Variants in ABLIM1 observed in about 807,000 individuals in gnomAD.
ABLIM1 encodes actin-binding LIM protein 1.
Under a neutral mutation model 107.0 loss-of-function variants are expected in ABLIM1, and 40 were observed. The observed-to-expected ratio is 0.37, with a 90% CI of 0.29 to 0.49. The LOEUF (loss-of-function observed/expected upper bound fraction) is 0.49, where lower values mean the gene tolerates loss of function less well. Ranked by LOEUF, ABLIM1 falls within the 20% of genes least tolerant of loss-of-function variation. The pLI is 0.97. For missense variants in ABLIM1, 857 were observed against 1,008.5 expected (o/e 0.85, Z 2.04); for synonymous variants, 357 against 357.3 (o/e 1.00, Z 0.01).
chr10:114,529,097 T>G (rs566078337), intron 6 of ABLIM1, among the ~76,000 whole-genome samples: 2 of 151,436 alleles, frequency 1.3e-5, no homozygotes, highest in Admixed American at 6.6e-5. Flanking sequence ...GCGTCAGAAT[T>G]AGGCTCACTA....
intron 1 of ABLIM1, among the ~76,000 whole-genome samples, chr10:114,759,841 A>G (rs1038340200): frequency 1.3e-5 from 2 of 152,172 alleles, no homozygotes; most frequent in Non-Finnish European, 2.9e-5. Flanking sequence ...TAGCCCCAGT[A>G]TACACCTATT....
At chr10:114,463,340 G>C (rs2064358358) in intron 12 of ABLIM1, among the ~76,000 whole-genome samples, 1 of 152,210 alleles carries the variant, frequency 6.6e-6, no homozygotes, top group African/African-American at 2.4e-5. Flanking sequence ...CTAAGGCTGA[G>C]GCAAAGTAGG....
At chr10:114,683,202 G>A (rs2080820025) in intron 1 of ABLIM1, among the ~76,000 whole-genome samples, 1 of 152,190 alleles carries the variant, frequency 6.6e-6, no homozygotes, top group Admixed American at 6.5e-5. Flanking sequence ...ACAGGGGAGG[G>A]CTGTTCTTGG....
chr10:114,550,394 A>G (rs1238069354), intron 4 of ABLIM1, among the ~76,000 whole-genome samples: 1 of 136,018 alleles, frequency 7.4e-6, no homozygotes, highest in Non-Finnish European at 1.6e-5. Context: ...TTTAAAAAAA[A>G]GACTACTTTT....
At chr10:114,617,256 CTT>C (rs780987027) in intron 1 of ABLIM1, among the ~76,000 whole-genome samples, 5 of 120,468 alleles carry the variant, frequency 4.2e-5, no homozygotes, top group Admixed American at 8.5e-5. Flanking sequence ...TCACTACCTA[CTT>C]TTTTTTTTTT....
intron 5 of ABLIM1, among the ~76,000 whole-genome samples, chr10:114,545,366 G>C (rs1352602044): frequency 6.6e-6 from 1 of 152,184 alleles, no homozygotes; most frequent in Non-Finnish European, 1.5e-5. Flanking sequence ...ATTTTTTACT[G>C]TCTCAGAGCT....
intron 6 of ABLIM1, among the ~76,000 whole-genome samples, chr10:114,543,617 C>T (rs1487843357): frequency 3.9e-5 from 6 of 152,174 alleles, no homozygotes; most frequent in Admixed American, 3.9e-4. Flanking sequence ...GATTTGAGAA[C>T]TCTCATACGT....
At position 114,571,367 on chromosome 10, in the gene ABLIM1, C is replaced by G; in HGVS notation, c.603G>C (p.Gly201=). The G allele has an allele frequency of 1.2e-6, 2 of 1,614,198 alleles. No individual in the cohort carries two copies. Among genetic ancestry groups the G allele is most frequent in the South Asian group, 2.2e-5 (2 of 91,076 alleles). Reference sequence around the variant, plus strand: ...CACAGAGTTGACAAAGGCAGTCTCTCCCATTGAATGTGACTCGGTCTCCGG... The same window carrying G: ...CACAGAGTTGACAAAGGCAGTCTCTGCCATTGAATGTGACTCGGTCTCCGG... ...FPPGDRVTFN[G]RDCLCQLCAQ... is the part of the protein sequence containing the mutation. The change falls in exon 4 of 23, where the codon GGG becomes GGC. Residue 201 remains glycine (G), a synonymous_variant. Coordinates refer to ENST00000533213, the MANE Select transcript of ABLIM1 (RefSeq NM_002313.7).
chr10:114,677,267 G>T (rs937204748), intron 1 of ABLIM1, among the ~76,000 whole-genome samples: 2 of 152,164 alleles, frequency 1.3e-5, no homozygotes, highest in African/African-American at 4.8e-5. Context: ...ATAGTGAAAT[G>T]AATGAAATAA....
chr10:114,446,157 A>C (rs2139398696), intron 15 of ABLIM1, among the ~76,000 whole-genome samples: 1 of 152,342 alleles, frequency 6.6e-6, no homozygotes, highest in Admixed American at 6.5e-5. Flanking sequence ...ATGCGTTTAA[A>C]CCTTGTAGTT....
chr10:114,465,654 CAT>C, intron 12 of ABLIM1, 42 bp downstream of exon 12: 1 of 1,593,112 alleles, frequency 6.3e-7, no homozygotes, highest in Non-Finnish European at 8.6e-7. Flanking sequence ...ATCACAGAAA[CAT>C]AGTTTGTTAT....
At chr10:114,778,595 A>G in the ABLIM1 span, 5 of 150,384 alleles carry the variant, frequency 3.3e-5, no homozygotes, top group African/African-American at 1.3e-4. Flanking sequence ...ACACACACAC[A>G]CACACACACA....
chr10:114,718,470 C>G (rs2081758887), intron 1 of ABLIM1, among the ~76,000 whole-genome samples: 1 of 152,120 alleles, frequency 6.6e-6, no homozygotes, highest in Non-Finnish European at 1.5e-5. Context: ...TTTTCCTTCT[C>G]CAAAAACTAT....
intron 1 of ABLIM1, among the ~76,000 whole-genome samples, chr10:114,669,820 G>A (rs1030347108): frequency 6.6e-6 from 1 of 152,092 alleles, no homozygotes; most frequent in African/African-American, 2.4e-5. Context: ...GGGAGGGAAG[G>A]GGGATCTGGG....
chr10:114,733,480 A>C (rs1295875693), intron 1 of ABLIM1, among the ~76,000 whole-genome samples: 1 of 152,214 alleles, frequency 6.6e-6, no homozygotes, highest in Non-Finnish European at 1.5e-5. Context: ...TAATTTAATC[A>C]GACATGCTAA....
At chr10:114,771,665 T>C (rs2083026506), upstream of ABLIM1, among the ~76,000 whole-genome samples, 1 of 152,162 alleles carries the variant, frequency 6.6e-6, no homozygotes, top group Non-Finnish European at 1.5e-5. Context: ...TCATCTGAAA[T>C]AACTGAGAAT....
At chr10:114,512,901 AAG>A (rs2062130215) in intron 6 of ABLIM1, among the ~76,000 whole-genome samples, 2 of 148,384 alleles carry the variant, frequency 1.3e-5, no homozygotes, top group Admixed American at 6.6e-5. Flanking sequence ...GGAAGGAAGG[AAG>A]GAAGGAAAGA....
In ABLIM1 at chr10:114,444,150, A is replaced by AG. The variant is rs749493361; in HGVS notation, c.1828-17dup. 2.4e-5 allele frequency: 35 copies of AG among 1,458,348 alleles called. No homozygotes were observed. The South Asian group carries it at 3.8e-4, about 16-fold the overall frequency. The allele number at this position is 1,458,348 out of a possible 1,614,324, so 90.3% of individuals were successfully genotyped here. On this transcript the variant is annotated splice_polypyrimidine_tract_variant and intron_variant, in intron 16 of 22. Coordinates refer to ENST00000533213, the MANE Select transcript of ABLIM1 (RefSeq NM_002313.7). Reference sequence around the variant, plus strand: ...CTGAGTTAAGCTATTCACAGAAAAAAGGAAAAAAAAAAAAAAAAGAAAGCA... The same window carrying AG: ...CTGAGTTAAGCTATTCACAGAAAAAAGGGAAAAAAAAAAAAAAAAGAAAGCA...
chr10:114,747,782 G>A (rs1055223232), intron 1 of ABLIM1, among the ~76,000 whole-genome samples: 1 of 152,222 alleles, frequency 6.6e-6, no homozygotes, highest in Non-Finnish European at 1.5e-5. Flanking sequence ...GCTCACGCCT[G>A]TAATCCCAGC....
Sources: allele counts gnomAD v4.1 joint callset (sites outside exome capture counted in the v4.1 genomes callset), GRCh38; gene constraint gnomAD v4.1.1; transcripts MANE v1.5; gene names NCBI Gene and HGNC (gene_info 2026-07-23, HGNC 2026-07-21).